The following SPRED1 variants were observed in gnomAD, a reference collection of about 807,000 sequenced individuals.
SPRED1 encodes the protein sprouty related EVH1 domain containing 1.
SPRED1 carries 18 observed loss-of-function variants against 52.3 expected under a neutral mutation model. The ratio of observed to expected loss-of-function variants is 0.34; its 90% CI spans 0.24 to 0.51. The LOEUF is 0.51. Ranked by LOEUF, SPRED1 falls within the 20% of genes least tolerant of loss-of-function variation. SPRED1 has a pLI of 0.97. For synonymous variants in SPRED1, 155 were observed against 179.7 expected (o/e 0.86, Z 1.10); for missense variants, 485 against 551.0 (o/e 0.88, Z 1.20).
At chr15:38,313,465 T>G (rs1012566053) in intron 2 of SPRED1, among the ~76,000 whole-genome samples, 1 of 151,900 alleles carries the variant, frequency 6.6e-6, no homozygotes, top group East Asian at 1.9e-4. Context: ...TCATATAACA[T>G]CTTGTGCTAG....
intron 5 of SPRED1, among the ~76,000 whole-genome samples, chr15:38,348,221 A>G (rs1240432112): frequency 6.6e-6 from 1 of 151,938 alleles, no homozygotes; most frequent in Non-Finnish European, 1.5e-5. Context: ...ACTTGACCAA[A>G]TATCTAGCTT....
chr15:38,347,624 A>G (rs554853779), intron 5 of SPRED1, among the ~76,000 whole-genome samples: 3 of 152,144 alleles, frequency 2.0e-5, no homozygotes, highest in South Asian at 4.1e-4. Flanking sequence ...ATTCGTGAAT[A>G]TGATATATAC....
Position 38,355,563 on chromosome 15 carries a change from A to G in SPRED1, c.*3899A>G, listed in dbSNP as rs1888600277. The G allele has an allele frequency of 6.6e-6, 1 of 152,148 alleles. No individual in the cohort carries two copies. Among genetic ancestry groups the G allele is most frequent in the South Asian group, 2.1e-4 (1 of 4,828 alleles). 9.4% of individuals were successfully genotyped at this position (152,148 alleles called of 1,614,324 possible). A position where few individuals can be genotyped will look rare whatever the true frequency, so the allele number is the denominator to read the frequency against. On this transcript the variant is annotated 3_prime_UTR_variant, in exon 7 of 7. Coordinates refer to ENST00000299084, the MANE Select transcript of SPRED1 (RefSeq NM_152594.3). The stretch of plus-strand genomic sequence containing the variant: ...GGTCAATGTAAAGAATCTTAAGGAT[A>G]TTTCTTGTGTTGAAATTTACATTCG...
intron 1 of SPRED1, among the ~76,000 whole-genome samples, chr15:38,289,257 G>T (rs1894871139): frequency 6.7e-6 from 1 of 150,072 alleles, no homozygotes; most frequent in Non-Finnish European, 1.5e-5. Context: ...TCTTTAATTT[G>T]CATTCCTCTT....
At chr15:38,291,379 A>G (rs1894919528) in intron 1 of SPRED1, among the ~76,000 whole-genome samples, 2 of 152,168 alleles carry the variant, frequency 1.3e-5, no homozygotes, top group South Asian at 4.1e-4. Context: ...GGAAGCTGTC[A>G]GTGAATCTAC....
At chr15:38,347,485 T>TTTTCC (rs869310453) in intron 5 of SPRED1, among the ~76,000 whole-genome samples, 4 of 94,060 alleles carry the variant, frequency 4.3e-5, no homozygotes, top group African/African-American at 1.5e-4. Flanking sequence ...TTTTTTTTTT[T>TTTTCC]CAATTTGGCT....
chr15:38,330,295 C>T (rs868108792), intron 4 of SPRED1, among the ~76,000 whole-genome samples: 1 of 152,114 alleles, frequency 6.6e-6, no homozygotes, highest in African/African-American at 2.4e-5. Context: ...ATTATTTCAT[C>T]ACAGATCACT....
At chr15:38,271,222 C>A (rs112836105) in intron 1 of SPRED1, among the ~76,000 whole-genome samples, 59 of 152,270 alleles carry the variant, frequency 3.9e-4, no homozygotes, top group African/African-American at 1.3e-3. Flanking sequence ...AGACCTGTTT[C>A]AGTAAGGAAA....
rs190923040 is a variant in SPRED1 at position 38,272,449 on chromosome 15, A to G, written c.32+19232A>G. On this transcript the variant is annotated intron_variant, in intron 1 of 6. Transcript: ENST00000299084. ...ACGCCCAGCTAATTTTTGTATTTTC[A>G]CTAGAGACAGGGGTTTCACCATGTT... 4.7e-3 allele frequency among the ~76,000 whole-genome samples: 718 copies of G among 151,912 alleles called. 9 individuals are homozygous for G. The highest frequency in any genetic ancestry group is 0.022 in the South Asian group (104 of 4,812).
intron 1 of SPRED1, among the ~76,000 whole-genome samples, chr15:38,274,182 A>G (rs1055843432): frequency 2.6e-5 from 4 of 152,296 alleles, no homozygotes; most frequent in East Asian, 3.9e-4. Flanking sequence ...ATTTTTAGAA[A>G]AAGTTTTTCC....
intron 2 of SPRED1, 65 bp from the exon 3 acceptor site, chr15:38,322,176 T>G: frequency 6.7e-7 from 1 of 1,491,086 alleles, no homozygotes; most frequent in South Asian, 1.1e-5. Context: ...TCAGTTTGTA[T>G]TTATGAGCTA....
chr15:38,261,128 T>TA (rs1403372994), intron 1 of SPRED1, among the ~76,000 whole-genome samples: 1 of 152,234 alleles, frequency 6.6e-6, no homozygotes, highest in African/African-American at 2.4e-5. Flanking sequence ...AGAGAAATGA[T>TA]ACGATCTTAA....
chr15:38,348,937 G>A (rs972635018), intron 5 of SPRED1, among the ~76,000 whole-genome samples: 2 of 151,854 alleles, frequency 1.3e-5, no homozygotes, highest in African/African-American at 4.8e-5. Flanking sequence ...CTTTAAAAAA[G>A]TATGTAATTT....
intron 2 of SPRED1, among the ~76,000 whole-genome samples, chr15:38,304,868 C>T (rs1895218310): frequency 6.6e-6 from 1 of 152,082 alleles, no homozygotes; most frequent in African/African-American, 2.4e-5. Flanking sequence ...CTTCTGGCTT[C>T]AGTATTTTTT....
At chr15:38,320,553 C>T (rs1013646981) in intron 2 of SPRED1, among the ~76,000 whole-genome samples, 1 of 151,872 alleles carries the variant, frequency 6.6e-6, no homozygotes, top group Non-Finnish European at 1.5e-5. Flanking sequence ...TAATTCACTA[C>T]TACTAGTAAT....
At position 38,356,692 on chromosome 15, in the gene SPRED1, A is replaced by G. The variant is rs923567862; in HGVS notation, c.*5028A>G. 12 of 152,168 alleles carry G rather than the reference A, an allele frequency of 7.9e-5. No homozygotes were observed. Among genetic ancestry groups the G allele is most frequent in the African/African-American group, 2.6e-4 (11 of 41,550 alleles). 9.4% of individuals were successfully genotyped at this position (152,168 alleles called of 1,614,324 possible). ...ATGTTATATTTATTGGTTTGGTAAC[A>G]TGTTGCAGCTAAGCTAATGACCTTA... is the stretch of plus-strand genomic sequence containing the variant. On this transcript the variant is annotated 3_prime_UTR_variant, in exon 7 of 7. Transcript: ENST00000299084.
chr15:38,282,961 A>G (rs2140966094), intron 1 of SPRED1, among the ~76,000 whole-genome samples: 1 of 151,950 alleles, frequency 6.6e-6, no homozygotes, highest in Non-Finnish European at 1.5e-5. Context: ...TGTAAGTTCT[A>G]GTGTATTTCC....
At position 38,261,669 on chromosome 15, in the gene SPRED1, G is replaced by GT. The variant is rs1165538640; in HGVS notation, c.32+8454dup. ...GCTCACTGCAAGCTCCGCCTCCTGG[G>GT]TTCACGCCTTTCTAACAGGAGTTAT... is the stretch of plus-strand genomic sequence containing the variant. On this transcript the variant is annotated intron_variant, in intron 1 of 6. Transcript: ENST00000299084. 2.6e-5 allele frequency among the ~76,000 whole-genome samples: 4 copies of GT among 152,258 alleles called. No homozygotes were observed. In the East Asian group the frequency reaches 7.7e-4, roughly 29 times the overall value.
intron 5 of SPRED1, among the ~76,000 whole-genome samples, chr15:38,345,992 G>A (rs1291761838): frequency 2.0e-5 from 3 of 152,160 alleles, no homozygotes; most frequent in Non-Finnish European, 4.4e-5. Flanking sequence ...TGCTTAAATA[G>A]GCATTGCCAG....
Sources: gnomAD v4.1 joint callset for allele counts (sites outside exome capture counted in the v4.1 genomes callset) on GRCh38, gnomAD v4.1.1 for gene constraint, MANE v1.5 for transcripts, NCBI Gene and HGNC (gene_info 2026-07-23, HGNC 2026-07-21) for gene names.